The following ARAP1 variants were observed in gnomAD, a reference collection of about 807,000 sequenced individuals.
The protein encoded by ARAP1 is arf-GAP with Rho-GAP domain, ANK repeat and PH domain-containing protein 1.
A neutral mutation model predicts 172.2 loss-of-function variants in ARAP1; 76 were observed. The observed-to-expected ratio is 0.44, with a 90% confidence interval of 0.37 to 0.53. ARAP1 has a LOEUF of 0.53. Among genes scored for constraint, ARAP1 ranks in the 20% least tolerant of loss-of-function variants. The pLI is 0.00. For synonymous variants in ARAP1, 804 were observed against 803.3 expected (o/e 1.00, Z -0.01); for missense variants, 1,686 against 1,977.5 (o/e 0.85, Z 2.80).
Position 72,687,756 on chromosome 11 carries a change from A to G in ARAP1, c.4071-18T>C. 4 of 1,614,022 alleles carry G rather than the reference A, an allele frequency of 2.5e-6. No homozygotes were observed. The South Asian group carries it at 3.3e-5, about 13-fold the overall frequency. On this transcript the variant is annotated intron_variant, in intron 31 of 34. Coordinates refer to ENST00000393609, the MANE Select transcript of ARAP1 (RefSeq NM_001040118.3). ...AGCCCCAGCTACAGAGGAAGAAGGG[A>G]GAGAGTTGGGTGTTTGACAGGCCAT...
At chr11:72,690,445 A>C (rs970705351) in intron 30 of ARAP1, among the ~76,000 whole-genome samples, 1 of 152,198 alleles carries the variant, frequency 6.6e-6, no homozygotes, top group African/African-American at 2.4e-5. Flanking sequence ...GCTGGAGTGT[A>C]GTGGTGCAAT....
At position 72,704,328 on chromosome 11, in the gene ARAP1, A is replaced by G; in HGVS notation, c.1816T>C (p.Leu606=). 1.3e-6 allele frequency: 2 copies of G among 1,586,722 alleles called. No individual in the cohort carries two copies. Among genetic ancestry groups the G allele is most frequent in the Non-Finnish European group, 8.6e-7 (1 of 1,166,122 alleles). Residue 606 remains leucine, a synonymous_variant, in exon 14 of 35, where the codon TTA becomes CTA. Transcript: ENST00000393609. The part of the protein sequence containing the change: ...VWTETLIELF[L]QLGNGAGNRF... ...TTCCCAGCGCCATTCCCCAGCTGTA[A>G]GAAGAGCTGTGGGGGTGTGCAGGAG...
At chr11:72,716,335 C>A (rs531604641) in intron 3 of ARAP1, among the ~76,000 whole-genome samples, 1 of 152,214 alleles carries the variant, frequency 6.6e-6, no homozygotes, top group Non-Finnish European at 1.5e-5. Flanking sequence ...CTTGTCTCTT[C>A]TCCAGGTGTA....
rs781560672 is a variant in ARAP1, at chr11:72,707,207, T to C, written c.1691A>G (p.Asn564Ser). The change falls in exon 12 of 35, where the codon AAC becomes AGC. Residue 564 changes from asparagine to serine, a missense_variant. Transcript: ENST00000393609. ...GAPQPDWASI[N>S]LCVVICKRCA... ...GCGCTTGCAGATAACAACACAGAGG[T>C]TGATGGAGGCCCAGTCAGGCTGAGG... 24 of 1,601,450 alleles carry C rather than the reference T, an allele frequency of 1.5e-5. No homozygotes were observed. The South Asian group carries it at 2.5e-4, about 17-fold the overall frequency.
At chr11:72,748,145 T>C (rs1234872859) in intron 1 of ARAP1, among the ~76,000 whole-genome samples, 2 of 152,218 alleles carry the variant, frequency 1.3e-5, no homozygotes, top group East Asian at 1.9e-4. Context: ...GAATTCAGTA[T>C]ATAAAGTGCT....
At chr11:72,748,601 G>A (rs1001334870) in intron 1 of ARAP1, among the ~76,000 whole-genome samples, 3 of 152,130 alleles carry the variant, frequency 2.0e-5, no homozygotes, top group African/African-American at 7.2e-5. Context: ...TGTCCCAGTG[G>A]CCTAGGACAG....
chr11:72,686,186 G>A lies in ARAP1; in HGVS notation c.4191C>T (p.Asp1397=), dbSNP rs200562137. 44 of 1,611,796 alleles carry A rather than the reference G, an allele frequency of 2.7e-5. No homozygotes were observed. Among genetic ancestry groups the A allele is most frequent in the Admixed American group, 1.0e-4 (6 of 60,002 alleles). Residue 1397 remains aspartate, a synonymous_variant, in exon 34 of 35, where the codon GAC becomes GAT. Transcript: ENST00000393609. ...AGGGCTCTGAGGGCCACACCAGGCC[G>A]TCATGCTGGGGAGCAGAGAGGAAGG... ...WFATFLFVQH[D]GLVWPSEPSR...
intron 34 of ARAP1, 31 bp downstream of exon 34, chr11:72,686,011 C>T (rs1324311954): frequency 6.2e-7 from 1 of 1,613,760 alleles, no homozygotes; most frequent in Non-Finnish European, 8.5e-7. Context: ...GGCCCCCAGC[C>T]CCCTGCCCAA....
chr11:72,750,665 C>T (rs1186806379), intron 1 of ARAP1, among the ~76,000 whole-genome samples: 1 of 152,228 alleles, frequency 6.6e-6, no homozygotes, highest in Non-Finnish European at 1.5e-5. Context: ...GGGCTGATCA[C>T]TCCATCCTGC....
chr11:72,700,741 C>T (rs968026670), intron 16 of ARAP1, among the ~76,000 whole-genome samples: 4 of 152,204 alleles, frequency 2.6e-5, no homozygotes, highest in African/African-American at 9.6e-5. Flanking sequence ...TGGTGACTCA[C>T]GCCTGTAATC....
chr11:72,701,932 T>C (rs1007386046), intron 15 of ARAP1, 149 bp from the exon 16 acceptor site: 4 of 1,021,780 alleles, frequency 3.9e-6, no homozygotes, highest in Admixed American at 2.2e-5. Flanking sequence ...CCCTCCTACC[T>C]GCAGGGTCTT....
intron 3 of ARAP1, among the ~76,000 whole-genome samples, chr11:72,722,937 C>A (rs1383443085): frequency 6.6e-6 from 1 of 152,188 alleles, no homozygotes; most frequent in Non-Finnish European, 1.5e-5. Context: ...GGCTTCCCTT[C>A]TGCAGGGCTG....
At chr11:72,746,006 T>C (rs1858355008) in intron 1 of ARAP1, among the ~76,000 whole-genome samples, 1 of 152,172 alleles carries the variant, frequency 6.6e-6, no homozygotes, top group Non-Finnish European at 1.5e-5. Flanking sequence ...AGGCTCTTGA[T>C]CTCTGTCCAC....
Position 72,686,027 on chromosome 11 carries a change from T to C in ARAP1, c.4335+15A>G. On this transcript the variant is annotated intron_variant, in intron 34 of 34. Coordinates refer to ENST00000393609, the MANE Select transcript of ARAP1 (RefSeq NM_001040118.3). ...GCCCCCAGCCCCCTGCCCAAAGGCATGGAGAGCCACTCACAGACAGAGGGT... is the reference window on the plus strand; with the variant it reads ...GCCCCCAGCCCCCTGCCCAAAGGCACGGAGAGCCACTCACAGACAGAGGGT... 1 of 1,613,896 alleles carries C rather than the reference T, an allele frequency of 6.2e-7. No individual in the cohort carries two copies. The highest frequency in any genetic ancestry group is 1.1e-5 in the South Asian group (1 of 91,086).
At position 72,704,267 on chromosome 11, in the gene ARAP1, G is replaced by C. The variant is rs548619326; in HGVS notation, c.1877C>G (p.Ala626Gly). ...FWAANVPPSE[A>G]LQPSSSPSTR... is the part of the protein sequence containing the mutation. ...GCTGGGGCTGCTGCTGGGCTGCAGG[G>C]CCTCACTGGGGGGCACGTTGGCTGC... is the stretch of plus-strand genomic sequence containing the variant. The change falls in exon 14 of 35, where the codon GCC (alanine) becomes GGC (glycine). Residue 626 changes from alanine to glycine, a missense_variant. Ala to Gly is a moderately conservative substitution (Grantham distance 60). This residue lies in a region of ARAP1 where 688 missense variants were observed against 856.9 expected (regional missense o/e 0.80). Coordinates refer to ENST00000393609, the MANE Select transcript of ARAP1 (RefSeq NM_001040118.3). 44 of 1,613,138 alleles carry C rather than the reference G, an allele frequency of 2.7e-5. No individual in the cohort carries two copies. In the South Asian group the frequency reaches 2.7e-4, roughly 10 times the overall value.
intron 1 of ARAP1, among the ~76,000 whole-genome samples, chr11:72,734,268 A>G (rs781052054): frequency 6.6e-6 from 1 of 152,022 alleles, no homozygotes; most frequent in Non-Finnish European, 1.5e-5. Context: ...CTACAAGTGC[A>G]TGCCACTGTG....
At position 72,724,168 on chromosome 11, in the gene ARAP1, C is replaced by G. The variant is rs1239431489; in HGVS notation, c.509+2452G>C. Among the ~76,000 whole-genome samples the G allele has an allele frequency of 2.6e-5, 4 of 152,148 alleles. No homozygotes were observed. In the East Asian group the frequency reaches 7.7e-4, roughly 29 times the overall value. On this transcript the variant is annotated intron_variant, in intron 3 of 34. Coordinates refer to ENST00000393609, the MANE Select transcript of ARAP1 (RefSeq NM_001040118.3). ...GTAAATGCACAGACATTCTACTACC[C>G]TGACAGCTTGTACTACCACCCACAC...
chr11:72,697,172 G>A lies in ARAP1; in HGVS notation c.2977C>T (p.Arg993Cys). The A allele has an allele frequency of 6.2e-7, 1 of 1,603,068 alleles. No individual in the cohort carries two copies. The highest frequency in any genetic ancestry group is 8.5e-7 in the Non-Finnish European group (1 of 1,179,644). ...GTCTTCGATGTCTGCCCACACTTGC[G>A]GTAGATGCCCTCGGAGGTCAGGCCT... ...QCGLTSEGIYRKCGQTSKTQR... is the reference protein window; with the variant it reads ...QCGLTSEGIYCKCGQTSKTQR... The change falls in exon 22 of 35, where the codon CGC (arginine) becomes TGC (cysteine). Residue 993 changes from arginine to cysteine, a missense_variant. Physicochemically the swap from Arg to Cys is radical, Grantham distance 180. This residue lies in a region of ARAP1 where 274 missense variants were observed against 262.7 expected (regional missense o/e 1.04). Coordinates refer to ENST00000393609, the MANE Select transcript of ARAP1 (RefSeq NM_001040118.3).
intron 30 of ARAP1, chr11:72,689,632 G>C (rs1239750746): frequency 6.6e-6 from 1 of 152,278 alleles, no homozygotes; most frequent in Non-Finnish European, 1.5e-5. Flanking sequence ...GACTGGAGAA[G>C]ACCTCTGTGC....
Sources: gnomAD v4.1 joint callset for allele counts (sites outside exome capture counted in the v4.1 genomes callset) on GRCh38, gnomAD v4.1.1 for gene constraint, gnomAD v4.1.1 regional missense constraint, MANE v1.5 for transcripts, NCBI Gene and HGNC (gene_info 2026-07-23, HGNC 2026-07-21) for gene names.